Variants in MED26 observed in about 807,000 individuals in gnomAD.
The protein encoded by MED26 is mediator complex subunit 26, also known as mediator of RNA polymerase II transcription subunit 26.
In MED26, 7 loss-of-function variants were observed where a neutral mutation model predicts 43.7. That is an observed-to-expected ratio of 0.16 (90% CI 0.09 to 0.30). MED26 has a LOEUF of 0.30. Ranked by LOEUF, MED26 falls within the 10% of genes least tolerant of loss-of-function variation. MED26 has a pLI of 1.00. For synonymous variants in MED26, 375 were observed against 371.1 expected (o/e 1.01, Z -0.12); for missense variants, 784 against 840.6 (o/e 0.93, Z 0.83).
rs779963827 is a variant in MED26, at chr19:16,590,816, T to C, written c.73-12407A>G. Among the ~76,000 whole-genome samples the C allele has an allele frequency of 2.0e-5, 3 of 151,980 alleles. No homozygotes were observed. The East Asian group carries it at 5.8e-4, about 29-fold the overall frequency. ...ACTTTGGGAGGTGGAGGCAGGTGGA[T>C]CACCTGAGGCCAGGAGTTTGAGACC... On this transcript the variant is annotated intron_variant, in intron 1 of 2. Transcript: ENST00000263390.
intron 1 of MED26, among the ~76,000 whole-genome samples, chr19:16,624,106 A>T (rs1169766886): frequency 6.6e-6 from 1 of 150,828 alleles, no homozygotes. Context: ...CCTTGCAAAG[A>T]TATATTAAAA....
At position 16,580,847 on chromosome 19, in the gene MED26, T is replaced by G. The variant is rs114521945; in HGVS notation, c.73-2438A>C. Among the ~76,000 whole-genome samples, 323 of 152,154 alleles carry G rather than the reference T, an allele frequency of 2.1e-3. 1 individual carries two copies. Among genetic ancestry groups the G allele is most frequent in the African/African-American group, 7.6e-3 (317 of 41,514 alleles). ...ATCTCTCTGACCCAGCCAGGATAGG[T>G]GCCATCTCTAAGGACTCCCTGACTA... On this transcript the variant is annotated intron_variant, in intron 1 of 2. Transcript: ENST00000263390.
chr19:16,592,639 T>C (rs1037707286), intron 1 of MED26, among the ~76,000 whole-genome samples: 1 of 152,192 alleles, frequency 6.6e-6, no homozygotes, highest in African/African-American at 2.4e-5. Context: ...TCATAACCAG[T>C]GTCCCCACCT....
At chr19:16,618,052 C>T (rs1398738975) in intron 1 of MED26, among the ~76,000 whole-genome samples, 10 of 152,264 alleles carry the variant, frequency 6.6e-5, no homozygotes, top group South Asian at 2.1e-4. Flanking sequence ...CTCCATTAAC[C>T]GAAGGGGAAG....
At chr19:16,603,264 G>T (rs541423942) in intron 1 of MED26, among the ~76,000 whole-genome samples, 1 of 152,314 alleles carries the variant, frequency 6.6e-6, no homozygotes, top group Admixed American at 6.5e-5. Context: ...GGAGCAAGTT[G>T]TATTTCCAAG....
intron 1 of MED26, among the ~76,000 whole-genome samples, chr19:16,591,432 C>T (rs934855132): frequency 6.6e-6 from 1 of 152,272 alleles, no homozygotes; most frequent in South Asian, 2.1e-4. Context: ...CTGTATGCAC[C>T]CACAAACACT....
chr19:16,598,386 C>T (rs947838097), intron 1 of MED26, among the ~76,000 whole-genome samples: 1 of 151,296 alleles, frequency 6.6e-6, no homozygotes, highest in Admixed American at 6.6e-5. Flanking sequence ...TTCCAGAGCC[C>T]AGGCTCACCC....
At chr19:16,612,851 T>C (rs976304172) in intron 1 of MED26, among the ~76,000 whole-genome samples, 1 of 152,210 alleles carries the variant, frequency 6.6e-6, no homozygotes, top group Non-Finnish European at 1.5e-5. Context: ...AGGGAGCATT[T>C]AGAAATGTGT....
chr19:16,622,492 T>C (rs2086256412), intron 1 of MED26, among the ~76,000 whole-genome samples: 1 of 152,230 alleles, frequency 6.6e-6, no homozygotes, highest in South Asian at 2.1e-4. Flanking sequence ...GAATTATCGG[T>C]ATGTCTTTCT....
chr19:16,576,405 C>G lies in MED26; in HGVS notation c.1425G>C (p.Thr475=). The G allele has an allele frequency of 6.2e-7, 1 of 1,614,102 alleles. No homozygotes were observed. Among genetic ancestry groups the G allele is most frequent in the Admixed American group, 1.7e-5 (1 of 60,018 alleles). The change falls in exon 3 of 3, where the codon ACG becomes ACC. Residue 475 remains threonine (T), a synonymous_variant. Coordinates refer to ENST00000263390, the MANE Select transcript of MED26 (RefSeq NM_004831.5). The surrounding 1 kb of genome is among the most constrained non-coding windows in gnomAD (Gnocchi z 6.8). ...CGTTGCGTGACAGCTCCTTCCAGTTCGTCTGTTCGAAGGGGCTCTGGAGGC... is the reference window on the plus strand; with the variant it reads ...CGTTGCGTGACAGCTCCTTCCAGTTGGTCTGTTCGAAGGGGCTCTGGAGGC... The part of the protein sequence containing the change: ...KASLQSPFEQ[T]NWKELSRNEI...
rs141093074 is a variant in MED26, at chr19:16,576,725, G to A, written c.1105C>T (p.Arg369Trp). ...GLSPAEPLLS[R>W]AGFSPDSSKA... is the part of the protein sequence containing the mutation. ...GAGGAGTCTGGGGAAAAGCCTGCCC[G>A]GGACAGGAGGGGCTCGGCTGGGGAC... Residue 369 changes from arginine (R) to tryptophan (W), a missense_variant, in exon 3 of 3, where the codon CGG becomes TGG. This residue lies in a region of MED26 where 719 missense variants were observed against 730.9 expected (regional missense o/e 0.98). Coordinates refer to ENST00000263390, the MANE Select transcript of MED26 (RefSeq NM_004831.5). The surrounding 1 kb of genome is among the most constrained non-coding windows in gnomAD (Gnocchi z 6.8). The A allele has an allele frequency of 2.2e-4, 355 of 1,611,686 alleles. No individual in the cohort carries two copies. The highest frequency in any genetic ancestry group is 2.8e-4 in the Non-Finnish European group (325 of 1,179,878).
intron 1 of MED26, among the ~76,000 whole-genome samples, chr19:16,621,142 G>C (rs1018226874): frequency 6.6e-6 from 1 of 152,198 alleles, no homozygotes. Context: ...TGTGGGAAGC[G>C]GAAGACTGTC....
rs745554454 is a variant in MED26 at position 16,575,781 on chromosome 19, C to T, written c.*246G>A. 3.9e-5 allele frequency: 21 copies of T among 533,798 alleles called. No homozygotes were observed. The highest frequency in any genetic ancestry group is 5.1e-5 in the Non-Finnish European group (15 of 295,954). The allele number at this position is 533,798 out of a possible 1,614,324, so 33.1% of individuals were successfully genotyped here. A position where few individuals can be genotyped will look rare whatever the true frequency, so the allele number is the denominator to read the frequency against. ...CTATAGAGTTCTGAACTCACTTTGC[C>T]GTCCTTCCTTCCACGCGGTCCTTCT... On this transcript the variant is annotated 3_prime_UTR_variant, in exon 3 of 3. Coordinates refer to ENST00000263390, the MANE Select transcript of MED26 (RefSeq NM_004831.5).
Position 16,628,003 on chromosome 19 carries a change from A to T in MED26, c.-60T>A. The T allele has an allele frequency of 9.9e-6, 11 of 1,114,140 alleles. No homozygotes were observed. Among genetic ancestry groups the T allele is most frequent in the Non-Finnish European group, 1.1e-5 (9 of 830,722 alleles). The allele number at this position is 1,114,140 out of a possible 1,614,324, so 69.0% of individuals were successfully genotyped here. On this transcript the variant is annotated 5_prime_UTR_variant, in exon 1 of 3. Transcript: ENST00000263390. ...GCGGGCGGGCGGGCTGAGGCGGGGG[A>T]CGGGGGTCACTCACTCGCCGGCCTC...
chr19:16,584,298 C>A (rs1401020155), intron 1 of MED26, among the ~76,000 whole-genome samples: 3 of 141,896 alleles, frequency 2.1e-5, no homozygotes, highest in Non-Finnish European at 3.0e-5. Context: ...AACACTGCCC[C>A]CCCCCGCCCC....
chr19:16,618,040 C>T (rs1049101338), intron 1 of MED26, among the ~76,000 whole-genome samples: 12 of 152,164 alleles, frequency 7.9e-5, no homozygotes, highest in Non-Finnish European at 1.5e-4. Context: ...GACTCTACCC[C>T]TCTCCATTAA....
At position 16,587,659 on chromosome 19, in the gene MED26, T is replaced by TACTCCCAGGAGCA. The variant is rs2086077260; in HGVS notation, c.73-9263_73-9251dup. The TACTCCCAGGAGCA allele has an allele frequency of 6.6e-6, 1 of 152,286 alleles. No individual in the cohort carries two copies. Among genetic ancestry groups the TACTCCCAGGAGCA allele is most frequent in the South Asian group, 2.1e-4 (1 of 4,832 alleles). The allele number at this position is 152,286 out of a possible 1,614,324, so 9.4% of individuals were successfully genotyped here. On this transcript the variant is annotated intron_variant, in intron 1 of 2. Coordinates refer to ENST00000263390, the MANE Select transcript of MED26 (RefSeq NM_004831.5). The surrounding 1 kb of genome is among the most constrained non-coding windows in gnomAD (Gnocchi z 4.9). ...GCACTTCCTGCTGGGGCCCTCCTGC[T>TACTCCCAGGAGCA]ACTCCCAGGAGCAGCCGGCCACCTG...
intron 1 of MED26, among the ~76,000 whole-genome samples, chr19:16,603,725 A>C (rs538501609): frequency 1.7e-4 from 26 of 152,138 alleles, no homozygotes; most frequent in African/African-American, 5.8e-4. Flanking sequence ...GAGCCCACAC[A>C]CCCAACCTCG....
chr19:16,594,552 C>G (rs2086111943), intron 1 of MED26, among the ~76,000 whole-genome samples: 1 of 152,160 alleles, frequency 6.6e-6, no homozygotes, highest in Non-Finnish European at 1.5e-5. Context: ...AAGGTGGGGT[C>G]TGAGCTGGGT....
Sources: allele counts gnomAD v4.1 joint callset (sites outside exome capture counted in the v4.1 genomes callset), GRCh38; gene constraint gnomAD v4.1.1; regional missense constraint gnomAD v4.1.1; non-coding constraint Gnocchi (gnomAD v3.1); transcripts MANE v1.5; gene names NCBI Gene and HGNC (gene_info 2026-07-23, HGNC 2026-07-21).